CBX2: variants seen among roughly 807,000 people sequenced by gnomAD.
CBX2 encodes the protein chromobox protein homolog 2.
A neutral mutation model predicts 21.0 loss-of-function variants in CBX2; 11 were observed. That is an observed-to-expected ratio of 0.52 (90% CI 0.33 to 0.87). CBX2 has a LOEUF of 0.87. CBX2 is among the 40% of genes least tolerant of loss of function. The probability of loss-of-function intolerance (pLI) is 0.02; values close to 1 mark genes in which losing one functional copy is unlikely to be tolerated. For missense variants in CBX2, 746 were observed against 724.3 expected (o/e 1.03, Z -0.34); for synonymous variants, 364 against 304.6 (o/e 1.19, Z -2.03).
intron 4 of CBX2, chr17:79,782,110 C>T (rs202012628): frequency 6.2e-7 from 1 of 1,613,382 alleles, no homozygotes; most frequent in East Asian, 2.2e-5. Context: ...CCAGGGGGTC[C>T]TTGGGGGACG....
intron 2 of CBX2, among the ~76,000 whole-genome samples, chr17:79,779,026 G>A (rs1906957706): frequency 6.6e-6 from 1 of 152,126 alleles, no homozygotes; most frequent in African/African-American, 2.4e-5. Flanking sequence ...CTCTGGCTCC[G>A]GGCCAGGGTT....
intron 4 of CBX2, among the ~76,000 whole-genome samples, chr17:79,783,163 G>A (rs1033186312): frequency 6.6e-6 from 1 of 152,208 alleles, no homozygotes; most frequent in Non-Finnish European, 1.5e-5. Context: ...GGATGTCATG[G>A]TGTGGACTCT....
rs1555829320 is a variant in CBX2 at position 79,778,213 on chromosome 17, G to T, written c.-23G>T. ...GCGGGTGACTGGCGGCGGGCGCCGC[G>T]GTCGGGCTGGCTGCCGGGCAGCATG... On this transcript the variant is annotated 5_prime_UTR_variant, in exon 1 of 5. Transcript: ENST00000310942. This position sits in a 1 kb window ranked among gnomAD's most constrained non-coding sequence, Gnocchi z 4.8. 1 of 1,319,818 alleles carries T rather than the reference G, an allele frequency of 7.6e-7. No individual in the cohort carries two copies. The allele number at this position is 1,319,818 out of a possible 1,614,324, so 81.8% of individuals were successfully genotyped here. A position where few individuals can be genotyped will look rare whatever the true frequency, so the allele number is the denominator to read the frequency against.
At chr17:79,782,393 C>T in intron 4 of CBX2, 1 of 1,391,484 alleles carries the variant, frequency 7.2e-7, no homozygotes. Flanking sequence ...CACCCCGCCA[C>T]AGGTATGCAT....
At chr17:79,783,636 C>T in intron 4 of CBX2, 96 bp from the exon 5 acceptor site, 3 of 1,078,908 alleles carry the variant, frequency 2.8e-6, no homozygotes, top group Admixed American at 2.0e-5. Context: ...TCTTGAACTC[C>T]TGACCTCAGG....
At chr17:79,777,750 C>G (rs949227529), upstream of CBX2, among the ~76,000 whole-genome samples, 1 of 152,112 alleles carries the variant, frequency 6.6e-6, no homozygotes, top group Admixed American at 6.5e-5. Flanking sequence ...AAGCAGCCGC[C>G]GCGCCCCGTC....
rs201168057 is a variant in CBX2 at position 79,781,853 on chromosome 17, G to T, written c.288+52G>T. ...CCCCACCTCCCAGCACCCCCTTGGCGTAGGGGGCAGGCAGAGGGAGGGTTT... is the reference window on the plus strand; with the variant it reads ...CCCCACCTCCCAGCACCCCCTTGGCTTAGGGGGCAGGCAGAGGGAGGGTTT... On this transcript the variant is annotated intron_variant, in intron 4 of 4. Transcript: ENST00000310942. 153 of 1,613,940 alleles carry T rather than the reference G, an allele frequency of 9.5e-5. 1 individual carries two copies. Among genetic ancestry groups the T allele is most frequent in the Non-Finnish European group, 1.3e-4 (148 of 1,179,944 alleles).
intron 4 of CBX2, 142 bp from the exon 5 acceptor site, chr17:79,783,590 A>T: frequency 1.4e-6 from 1 of 721,238 alleles, no homozygotes; most frequent in Non-Finnish European, 2.4e-6. Flanking sequence ...TTGTATTTTT[A>T]GTAGAAACAG....
chr17:79,783,920 C>T lies in CBX2; in HGVS notation c.477C>T (p.Pro159=). 6.2e-7 allele frequency: 1 copy of T among 1,614,054 alleles called. No homozygotes were observed. The highest frequency in any genetic ancestry group is 8.5e-7 in the Non-Finnish European group (1 of 1,180,036). The change falls in exon 5 of 5, where the codon CCC becomes CCT. Residue 159 remains proline (P), a synonymous_variant. Coordinates refer to ENST00000310942, the MANE Select transcript of CBX2 (RefSeq NM_005189.3). Reference sequence around the variant, plus strand: ...TGGCCAAACCCGAGCTGAAGGATCCCATCCGGAAGAAGCGGGGACGAAAGC... The same window carrying T: ...TGGCCAAACCCGAGCTGAAGGATCCTATCCGGAAGAAGCGGGGACGAAAGC... ...ILVAKPELKD[P]IRKKRGRKPL... is the part of the protein sequence containing the mutation.
chr17:79,781,809 G>A lies in CBX2; in HGVS notation c.288+8G>A. The A allele has an allele frequency of 6.2e-7, 1 of 1,614,068 alleles. No homozygotes were observed. Among genetic ancestry groups the A allele is most frequent in the Non-Finnish European group, 8.5e-7 (1 of 1,179,952 alleles). On this transcript the variant is annotated splice_region_variant and intron_variant, in intron 4 of 4. Transcript: ENST00000310942. ...CGGCGCTCCAAGCTCAAGGTGGGTG[G>A]CTGCGCTGGGTATGCTGACCCCACC...
At chr17:79,780,198 C>T (rs1006463310) in intron 3 of CBX2, among the ~76,000 whole-genome samples, 1 of 152,192 alleles carries the variant, frequency 6.6e-6, no homozygotes, top group Non-Finnish European at 1.5e-5. Flanking sequence ...CCCTGGATCC[C>T]CTGGCTGGAC....
chr17:79,778,379 C>T lies in CBX2; in HGVS notation c.73-5C>T, dbSNP rs782689118. ...TGGCTCACGGCCCCTCTTCTCTCCC[C>T]GCAGGGCAAGCTGGAGTACCTGGTC... On this transcript the variant is annotated splice_polypyrimidine_tract_variant and splice_region_variant and intron_variant, in intron 1 of 4. Coordinates refer to ENST00000310942, the MANE Select transcript of CBX2 (RefSeq NM_005189.3). This position sits in a 1 kb window ranked among gnomAD's most constrained non-coding sequence, Gnocchi z 4.8. 2.5e-6 allele frequency: 4 copies of T among 1,584,238 alleles called. No individual in the cohort carries two copies. The highest frequency in any genetic ancestry group is 3.4e-6 in the Non-Finnish European group (4 of 1,170,256).
chr17:79,782,322 A>G, intron 4 of CBX2: 2 of 1,496,546 alleles, frequency 1.3e-6, no homozygotes, highest in Middle Eastern at 2.1e-4. Context: ...GTGTGGGCTG[A>G]TGATGTGCTT....
Position 79,781,630 on chromosome 17 carries a change from G to A in CBX2, c.183-66G>A. 3 of 1,370,012 alleles carry A rather than the reference G, an allele frequency of 2.2e-6. No homozygotes were observed. In the South Asian group the frequency reaches 3.5e-5, roughly 16 times the overall value. 84.9% of individuals were successfully genotyped at this position (1,370,012 alleles called of 1,614,324 possible). A position where few individuals can be genotyped will look rare whatever the true frequency, so the allele number is the denominator to read the frequency against. On this transcript the variant is annotated intron_variant, in intron 3 of 4. Coordinates refer to ENST00000310942, the MANE Select transcript of CBX2 (RefSeq NM_005189.3). ...CAGGAATAGGGTGCTGGAAGCCATA[G>A]AGTCCCACATGGTAGAAGGGGTACG...
chr17:79,782,413 G>A, intron 4 of CBX2: 1 of 1,344,468 alleles, frequency 7.4e-7, no homozygotes, highest in South Asian at 1.5e-5. Context: ...TGCGCCCCTG[G>A]GGTCCGTGGT....
At chr17:79,781,830 C>T (rs1907231319) in intron 4 of CBX2, 29 bp downstream of exon 4, 2 of 1,613,866 alleles carry the variant, frequency 1.2e-6, no homozygotes, top group Middle Eastern at 1.6e-4. Flanking sequence ...TATGCTGACC[C>T]CACCTCCCAG....
In CBX2 at chr17:79,785,193, T is replaced by G. The variant is rs1402336878; in HGVS notation, c.*151T>G. 2 of 682,492 alleles carry G rather than the reference T, an allele frequency of 2.9e-6. No homozygotes were observed. Among genetic ancestry groups the G allele is most frequent in the East Asian group, 5.4e-5 (2 of 36,980 alleles). 42.3% of individuals were successfully genotyped at this position (682,492 alleles called of 1,614,324 possible). On this transcript the variant is annotated 3_prime_UTR_variant, in exon 5 of 5. Coordinates refer to ENST00000310942, the MANE Select transcript of CBX2 (RefSeq NM_005189.3). ...CTTGATGGGCAGGCTTGGAAGGGAC[T>G]TCTCCCGCACCCCACTCTGTCCCAG...
In CBX2 at chr17:79,778,972, C is replaced by T. The variant is rs1352199033; in HGVS notation, c.117-390C>T. On this transcript the variant is annotated intron_variant, in intron 2 of 4. Transcript: ENST00000310942. This position sits in a 1 kb window ranked among gnomAD's most constrained non-coding sequence, Gnocchi z 4.8. The stretch of plus-strand genomic sequence containing the variant: ...ACATTGTTCTGGATCTCGGGCTGGG[C>T]GCCTGTGCCCCTCCCTGCATGCTGG... 1.3e-5 allele frequency among the ~76,000 whole-genome samples: 2 copies of T among 152,156 alleles called. No individual in the cohort carries two copies. Among genetic ancestry groups the T allele is most frequent in the African/African-American group, 4.8e-5 (2 of 41,440 alleles).
rs782760497 is a variant in CBX2 at position 79,778,325 on chromosome 17, GGCCCCCCGCCC to G, written c.72+22_72+32del. The G allele has an allele frequency of 4.5e-6, 7 of 1,564,304 alleles. No homozygotes were observed. Reference sequence around the variant, plus strand: ...TCCGCAAGGTGCGTGCGGCCCGCCGGGCCCCCCGCCCGCCGCCCGCTGTCCGTCTGGCTCAC... The same window carrying G: ...TCCGCAAGGTGCGTGCGGCCCGCCGGGCCGCCCGCTGTCCGTCTGGCTCAC... On this transcript the variant is annotated intron_variant, in intron 1 of 4. Transcript: ENST00000310942. This position sits in a 1 kb window ranked among gnomAD's most constrained non-coding sequence, Gnocchi z 4.8.
Sources: gnomAD v4.1 joint callset for allele counts (sites outside exome capture counted in the v4.1 genomes callset) on GRCh38, gnomAD v4.1.1 for gene constraint, Gnocchi (gnomAD v3.1) non-coding constraint, MANE v1.5 for transcripts, NCBI Gene and HGNC (gene_info 2026-07-23, HGNC 2026-07-21) for gene names.